The following RARB variants were observed in gnomAD, a reference collection of about 807,000 sequenced individuals.
RARB encodes the protein HBV-activated protein.
RARB carries 17 observed loss-of-function variants against 51.9 expected under a neutral mutation model. The ratio of observed to expected loss-of-function variants is 0.33; its 90% CI spans 0.22 to 0.49. The LOEUF is 0.49. RARB is among the 20% of genes least tolerant of loss of function. The pLI, the probability that RARB is intolerant of heterozygous loss-of-function variation, is 0.99. For synonymous variants in RARB, 215 were observed against 195.4 expected, an observed-to-expected ratio of 1.10 and a Z score of -0.84; for missense variants, 369 against 550.8, an observed-to-expected ratio of 0.67 and a Z score of 3.30.
intron 1 of RARB, among the ~76,000 whole-genome samples, chr3:24,846,543 C>T (rs1326925232): frequency 2.0e-5 from 3 of 152,180 alleles, no homozygotes; most frequent in Non-Finnish European, 4.4e-5. Context: ...GCTAATCTGG[C>T]AGGAATCAAA....
chr3:25,312,182 T>C (rs1027735385), intron 5 of RARB, among the ~76,000 whole-genome samples: 8 of 152,132 alleles, frequency 5.3e-5, no homozygotes, highest in Non-Finnish European at 8.8e-5. Context: ...TAATGTGTTA[T>C]TTTCTATAAA....
chr3:25,353,964 C>T (rs977175764), intron 5 of RARB, among the ~76,000 whole-genome samples: 7 of 152,002 alleles, frequency 4.6e-5, no homozygotes, highest in Admixed American at 3.9e-4. Context: ...TATGTTCATG[C>T]ATTTTTCTGG....
At chr3:24,885,611 T>C (rs998745372) in intron 2 of RARB, among the ~76,000 whole-genome samples, 3 of 152,180 alleles carry the variant, frequency 2.0e-5, no homozygotes, top group African/African-American at 7.2e-5. Context: ...TTATGAAGAA[T>C]ACCTGGGAAG....
intron 2 of RARB, among the ~76,000 whole-genome samples, chr3:25,039,986 G>C (rs936411262): frequency 7.2e-5 from 11 of 152,194 alleles, no homozygotes; most frequent in Non-Finnish European, 1.3e-4. Context: ...CTAAACAAAA[G>C]AGAGATGTTA....
intron 4 of RARB, among the ~76,000 whole-genome samples, chr3:25,154,917 C>A (rs1315704107): frequency 1.3e-5 from 2 of 152,180 alleles, no homozygotes; most frequent in African/African-American, 2.4e-5. Context: ...TGGGAGGAAG[C>A]AGGGGTGGCA....
intron 2 of RARB, among the ~76,000 whole-genome samples, chr3:25,047,610 C>T (rs1698243171): frequency 2.0e-5 from 3 of 152,180 alleles, no homozygotes; most frequent in Admixed American, 2.0e-4. Flanking sequence ...GAGTAATCAC[C>T]ACTATCTATT....
At chr3:25,338,099 A>G (rs1205504134) in intron 5 of RARB, among the ~76,000 whole-genome samples, 1 of 4,110 alleles carries the variant, frequency 2.4e-4, no homozygotes, top group African/African-American at 8.4e-4. Context: ...AACCCCCAAC[A>G]CACACACACA....
At chr3:24,974,775 A>G (rs1696475281) in intron 2 of RARB, among the ~76,000 whole-genome samples, 1 of 152,178 alleles carries the variant, frequency 6.6e-6, no homozygotes, top group South Asian at 2.1e-4. Context: ...AGCCACTGAA[A>G]TAAGTATAAG....
intron 2 of RARB, among the ~76,000 whole-genome samples, chr3:24,976,873 C>A (rs763668975): frequency 2.0e-5 from 3 of 152,158 alleles, no homozygotes; most frequent in Non-Finnish European, 4.4e-5. Context: ...AGGTTTTCAT[C>A]TAGGGTTTTT....
intron 4 of RARB, among the ~76,000 whole-genome samples, chr3:25,147,076 G>T (rs779944503): frequency 6.6e-6 from 1 of 152,166 alleles, no homozygotes; most frequent in Non-Finnish European, 1.5e-5. Context: ...TGAGCAGCCA[G>T]GGTGGGGAAT....
intron 5 of RARB, among the ~76,000 whole-genome samples, chr3:25,585,859 G>A (rs927033063): frequency 6.6e-6 from 1 of 152,226 alleles, no homozygotes; most frequent in African/African-American, 2.4e-5. Flanking sequence ...CTAGTAAACA[G>A]TGGAGCCAGA....
At chr3:25,394,322 G>A (rs137858525) in intron 5 of RARB, among the ~76,000 whole-genome samples, 6 of 152,120 alleles carry the variant, frequency 3.9e-5, no homozygotes, top group African/African-American at 1.4e-4. Flanking sequence ...CCTAATATAT[G>A]GCCTATCTTG....
chr3:25,145,646 T>C (rs188005190), intron 4 of RARB, among the ~76,000 whole-genome samples: 2 of 152,172 alleles, frequency 1.3e-5, no homozygotes, highest in African/African-American at 2.4e-5. Flanking sequence ...TTCAGACATA[T>C]GTCTGTCCTC....
At chr3:25,561,674 A>G (rs551867045) in intron 3 of RARB, among the ~76,000 whole-genome samples, 3 of 152,146 alleles carry the variant, frequency 2.0e-5, no homozygotes, top group Non-Finnish European at 2.9e-5. Flanking sequence ...TCTATTTTAC[A>G]TAACATTTTA....
At chr3:25,347,362 G>T (rs1032641693) in intron 5 of RARB, among the ~76,000 whole-genome samples, 1 of 152,282 alleles carries the variant, frequency 6.6e-6, no homozygotes, top group Admixed American at 6.5e-5. Flanking sequence ...CTATGACAAG[G>T]TAGAGCTGGC....
intron 3 of RARB, among the ~76,000 whole-genome samples, chr3:25,086,029 A>G (rs1028117315): frequency 1.6e-4 from 24 of 152,162 alleles, no homozygotes; most frequent in African/African-American, 5.8e-4. Context: ...CGGCTTTGCC[A>G]TTCTCTATAT....
intron 2 of RARB, among the ~76,000 whole-genome samples, chr3:24,962,273 C>T (rs1696158506): frequency 6.6e-6 from 1 of 152,080 alleles, no homozygotes. Flanking sequence ...GATCAGGGTG[C>T]CTCAACCTTG....
chr3:25,244,563 T>C (rs1377240147), intron 5 of RARB, among the ~76,000 whole-genome samples: 1 of 152,234 alleles, frequency 6.6e-6, no homozygotes, highest in African/African-American at 2.4e-5. Flanking sequence ...CTTCATTTTG[T>C]TGTTTACCCA....
intron 2 of RARB, among the ~76,000 whole-genome samples, chr3:25,496,035 A>G (rs777877017): frequency 6.6e-6 from 1 of 152,206 alleles, no homozygotes; most frequent in Non-Finnish European, 1.5e-5. Flanking sequence ...CAGCTGAGAA[A>G]TCTGATTGTT....
Sources: gnomAD v4.1 joint callset for allele counts (sites outside exome capture counted in the v4.1 genomes callset) on GRCh38, gnomAD v4.1.1 for gene constraint, MANE v1.5 for transcripts, NCBI Gene and HGNC (gene_info 2026-07-23, HGNC 2026-07-21) for gene names.